Variants in KIF19 observed in about 807,000 individuals in gnomAD.
KIF19 encodes kinesin family member 19.
A neutral mutation model predicts 106.6 loss-of-function variants in KIF19; 98 were observed. The observed-to-expected ratio is 0.92, with a 90% confidence interval of 0.78 to 1.09. The LOEUF is 1.09. Ranked by LOEUF, KIF19 falls within the 50% of genes least tolerant of loss-of-function variation. The probability of loss-of-function intolerance (pLI) is 0.00; values close to 1 mark genes in which losing one functional copy is unlikely to be tolerated. For synonymous variants in KIF19, 516 were observed against 584.2 expected, an observed-to-expected ratio of 0.88 and a Z score of 1.68; for missense variants, 1,373 against 1,414.3, an observed-to-expected ratio of 0.97 and a Z score of 0.47.
chr17:74,351,731 C>G (rs1452988944), intron 12 of KIF19, 136 bp from the exon 13 acceptor site: 2 of 1,020,124 alleles, frequency 2.0e-6, no homozygotes. Flanking sequence ...GCCCAAGATT[C>G]AGCTTTTAGG....
chr17:74,342,898 C>T, intron 4 of KIF19, 126 bp from the exon 5 acceptor site: 1 of 1,286,144 alleles, frequency 7.8e-7, no homozygotes, highest in Non-Finnish European at 1.1e-6. Context: ...CCCCACTCCC[C>T]ACCACCTCCC....
At position 74,346,303 on chromosome 17, in the gene KIF19, T is replaced by C. The variant is rs2054528158; in HGVS notation, c.778-75T>C. 5 of 1,474,106 alleles carry C rather than the reference T, an allele frequency of 3.4e-6. No homozygotes were observed. Among genetic ancestry groups the C allele is most frequent in the South Asian group, 1.3e-5 (1 of 78,614 alleles). The allele number at this position is 1,474,106 out of a possible 1,614,324, so 91.3% of individuals were successfully genotyped here. On this transcript the variant is annotated intron_variant, in intron 7 of 19. Coordinates refer to ENST00000389916, the MANE Select transcript of KIF19 (RefSeq NM_153209.4). The surrounding 1 kb of genome is among the most constrained non-coding windows in gnomAD (Gnocchi z 4.6). ...TTACCCAGGATCACCAGGTCATTCA[T>C]TGGTGGGGTGGCTGGGGAGAAACCC...
At chr17:74,349,692 C>T (rs992471061) in intron 10 of KIF19, among the ~76,000 whole-genome samples, 19 of 152,242 alleles carry the variant, frequency 1.2e-4, no homozygotes, top group Non-Finnish European at 2.8e-4. Context: ...CCGGAATGGG[C>T]TCCGTTTCCT....
At chr17:74,330,985 G>A (rs572767083) in intron 2 of KIF19, among the ~76,000 whole-genome samples, 17 of 152,322 alleles carry the variant, frequency 1.1e-4, no homozygotes, top group Middle Eastern at 3.4e-3. Context: ...GAGGACTGTA[G>A]TTTAGGAGCA....
Position 74,349,362 on chromosome 17 carries a change from G to T in KIF19, c.1213+13G>T. 1 of 1,582,626 alleles carries T rather than the reference G, an allele frequency of 6.3e-7. No individual in the cohort carries two copies. Among genetic ancestry groups the T allele is most frequent in the East Asian group, 2.2e-5 (1 of 44,472 alleles). Reference sequence around the variant, plus strand: ...CGCCACATCCAAGGTGCGCCTGTGGGTCTGTGTGAGTGGCAGCCCCCTCCG... The same window carrying T: ...CGCCACATCCAAGGTGCGCCTGTGGTTCTGTGTGAGTGGCAGCCCCCTCCG... On this transcript the variant is annotated intron_variant, in intron 10 of 19. Coordinates refer to ENST00000389916, the MANE Select transcript of KIF19 (RefSeq NM_153209.4).
rs774817216 is a variant in KIF19, at chr17:74,352,302, G to C, written c.1942G>C (p.Ala648Pro). Residue 648 changes from alanine (A) to proline (P), a missense_variant, in exon 14 of 20, where the codon GCC becomes CCC. By Grantham distance (27) the Ala-to-Pro change is conservative. Around this residue, in one of 3 missense-constraint regions of KIF19, gnomAD observed 1,020 missense variants for 1,008.2 expected, o/e 1.01. Coordinates refer to ENST00000389916, the MANE Select transcript of KIF19 (RefSeq NM_153209.4). The part of the protein sequence containing the change: ...RELEEGSLEQ[A>P]TIMDQVASRA... ...GCTGGAGGAGGGCAGCCTGGAGCAGGCCACCATCATGGACCAAGTGGCCTC... is the reference window on the plus strand; with the variant it reads ...GCTGGAGGAGGGCAGCCTGGAGCAGCCCACCATCATGGACCAAGTGGCCTC... 1.9e-6 allele frequency: 3 copies of C among 1,611,668 alleles called. No homozygotes were observed. Among genetic ancestry groups the C allele is most frequent in the Non-Finnish European group, 2.5e-6 (3 of 1,179,358 alleles).
chr17:74,350,882 C>G lies in KIF19; in HGVS notation c.1564C>G (p.Gln522Glu), dbSNP rs145176452. Residue 522 changes from glutamine to glutamate, a missense_variant, in exon 12 of 20, where the codon CAG becomes GAG. Physicochemically the swap from Gln to Glu is conservative, Grantham distance 29 (BLOSUM62 2). Around this residue, in one of 3 missense-constraint regions of KIF19, gnomAD observed 1,020 missense variants for 1,008.2 expected, o/e 1.01. Coordinates refer to ENST00000389916, the MANE Select transcript of KIF19 (RefSeq NM_153209.4). ...RESIAALVDE[Q>E]KQLRKQKLAL... is the part of the protein sequence containing the mutation. ...GAGCATTGCAGCCCTGGTGGACGAGCAGAAGCAACTGCGCAAGCAGAAGGT... is the reference window on the plus strand; with the variant it reads ...GAGCATTGCAGCCCTGGTGGACGAGGAGAAGCAACTGCGCAAGCAGAAGGT... 95 of 1,613,738 alleles carry G rather than the reference C, an allele frequency of 5.9e-5. No individual in the cohort carries two copies. Among genetic ancestry groups the G allele is most frequent in the Non-Finnish European group, 8.0e-5 (94 of 1,179,898 alleles).
chr17:74,326,674 G>C (rs1225836287), intron 1 of KIF19, among the ~76,000 whole-genome samples: 3 of 152,232 alleles, frequency 2.0e-5, no homozygotes, highest in Middle Eastern at 6.8e-3. Flanking sequence ...GTGCGCAGAT[G>C]AATCTCGGCT....
chr17:74,344,913 C>A lies in KIF19; in HGVS notation c.735C>A (p.Arg245=). The change falls in exon 7 of 20, where the codon CGC becomes CGA. Residue 245 remains arginine, a synonymous_variant. Coordinates refer to ENST00000389916, the MANE Select transcript of KIF19 (RefSeq NM_153209.4). ...TCTTGCAGGAGGTGCGGCAGGGCCG[C>A]CTGTTCATGATCGACCTGGCTGGCT... ...KNILQEVRQG[R]LFMIDLAGSE... 3.1e-6 allele frequency: 5 copies of A among 1,611,288 alleles called. No homozygotes were observed. Among genetic ancestry groups the A allele is most frequent in the Non-Finnish European group, 4.2e-6 (5 of 1,179,628 alleles).
intron 12 of KIF19, 188 bp downstream of exon 12, chr17:74,351,093 G>A (rs2054689025): frequency 6.3e-6 from 4 of 635,700 alleles, no homozygotes; most frequent in South Asian, 3.6e-5. Context: ...TAAAATGGGA[G>A]CAGTCCATGG....
rs374148526 is a variant in KIF19, at chr17:74,341,930, C to T, written c.175C>T (p.Arg59Cys). The change falls in exon 3 of 20, where the codon CGC becomes TGC. Residue 59 changes from arginine to cysteine, a missense_variant. Arg to Cys is a radical substitution (Grantham distance 180). Around this residue, in one of 3 missense-constraint regions of KIF19, gnomAD observed 348 missense variants for 389.5 expected, o/e 0.89. Transcript: ENST00000389916. ...TCCCGACGACATCCTGCGGGCGCAT[C>T]GCTCCCGGGAGAAGTCCTACCTGTT... ...EDPDDILRAH[R>C]SREKSYLFDV... The T allele has an allele frequency of 7.4e-6, 12 of 1,613,522 alleles. No individual in the cohort carries two copies. In the Middle Eastern group the frequency reaches 6.6e-4, roughly 88 times the overall value.
In KIF19 at chr17:74,354,850, A is replaced by T; in HGVS notation, c.2775A>T (p.Pro925=). Residue 925 remains proline (P), a synonymous_variant, in exon 19 of 20, where the codon CCA becomes CCT. Transcript: ENST00000389916. ...AGCGCATCTCGGACCACAGGATGCC[A>T]GTGTGCAGGCACCCAGCCCCTGGTA... ...QAERISDHRM[P]VCRHPAPGIR... is the part of the protein sequence containing the mutation. 6.4e-7 allele frequency: 1 copy of T among 1,563,010 alleles called. No homozygotes were observed. Among genetic ancestry groups the T allele is most frequent in the Non-Finnish European group, 8.7e-7 (1 of 1,154,104 alleles).
Position 74,331,238 on chromosome 17 carries a change from C to T in KIF19, c.120+2733C>T, listed in dbSNP as rs1356003272. On this transcript the variant is annotated intron_variant, in intron 2 of 19. Coordinates refer to ENST00000389916, the MANE Select transcript of KIF19 (RefSeq NM_153209.4). This position sits in a 1 kb window ranked among gnomAD's most constrained non-coding sequence, Gnocchi z 4.1. ...GGCTTGGGGGTCCAGTCCTCGTCAG[C>T]TTCTCTGATGGGGCCAGCTGGCCCG... Among the ~76,000 whole-genome samples, 2 of 152,158 alleles carry T rather than the reference C, an allele frequency of 1.3e-5. No individual in the cohort carries two copies. Among genetic ancestry groups the T allele is most frequent in the South Asian group, 2.1e-4 (1 of 4,824 alleles).
At position 74,351,888 on chromosome 17, in the gene KIF19, C is replaced by T. The variant is rs1304513086; in HGVS notation, c.1609C>T (p.Arg537Trp). The T allele has an allele frequency of 5.0e-6, 7 of 1,408,436 alleles. No individual in the cohort carries two copies. Among genetic ancestry groups the T allele is most frequent in the African/African-American group, 1.5e-5 (1 of 65,998 alleles). 87.2% of individuals were successfully genotyped at this position (1,408,436 alleles called of 1,614,324 possible). Reference protein sequence around the residue: ...KQKLALEQRCRELRARGRRLE... With the variant: ...KQKLALEQRCWELRARGRRLE... The stretch of plus-strand genomic sequence containing the variant: ...GCAGCTGGCGCTGGAGCAGCGCTGC[C>T]GGGAGCTGCGCGCGCGGGGCCGGCG... Residue 537 changes from arginine to tryptophan, a missense_variant, in exon 13 of 20, where the codon CGG becomes TGG. Physicochemically the swap from Arg to Trp is moderately radical, Grantham distance 101. Transcript: ENST00000389916.
At chr17:74,344,639 C>A in intron 6 of KIF19, 122 bp from the exon 7 acceptor site, 2 of 1,089,288 alleles carry the variant, frequency 1.8e-6, no homozygotes, top group Non-Finnish European at 2.6e-6. Context: ...CCAGCCCACT[C>A]CAGCCTGCCC....
In KIF19 at chr17:74,353,484, C is replaced by T. The variant is rs1248626013; in HGVS notation, c.2221-10C>T. The T allele has an allele frequency of 3.7e-6, 6 of 1,613,056 alleles. No individual in the cohort carries two copies. The highest frequency in any genetic ancestry group is 4.2e-6 in the Non-Finnish European group (5 of 1,179,302). ...AAGGGTTTCCTCCTCCCAACCACTC[C>T]ACCCCACAGGCCCCGGCTCAGGACA... On this transcript the variant is annotated splice_polypyrimidine_tract_variant and intron_variant, in intron 16 of 19. Transcript: ENST00000389916.
rs2054536423 is a variant in KIF19, at chr17:74,346,533, C to T, written c.924+9C>T. 5 of 1,550,500 alleles carry T rather than the reference C, an allele frequency of 3.2e-6. No individual in the cohort carries two copies. The highest frequency in any genetic ancestry group is 4.4e-6 in the Non-Finnish European group (5 of 1,146,534). On this transcript the variant is annotated intron_variant, in intron 8 of 19. Transcript: ENST00000389916. The surrounding 1 kb of genome is among the most constrained non-coding windows in gnomAD (Gnocchi z 4.6). Reference sequence around the variant, plus strand: ...TCACCCGGCTCCTGAAGGTACCAGCCACAGCTGGGCCTGGGCACTGGGCAC... The same window carrying T: ...TCACCCGGCTCCTGAAGGTACCAGCTACAGCTGGGCCTGGGCACTGGGCAC...
chr17:74,335,780 A>G (rs1413417175), intron 2 of KIF19, among the ~76,000 whole-genome samples: 1 of 152,304 alleles, frequency 6.6e-6, no homozygotes, highest in East Asian at 1.9e-4. Context: ...TATGAGCATG[A>G]GAATGCATTC....
chr17:74,329,455 AAG>A (rs2054011336), intron 2 of KIF19: 1 of 126,188 alleles, frequency 7.9e-6, no homozygotes, highest in African/African-American at 2.9e-5. Flanking sequence ...CTCAAAAAAA[AAG>A]AGAAAAAGAG....
Sources: gnomAD v4.1 joint callset for allele counts (sites outside exome capture counted in the v4.1 genomes callset) on GRCh38, gnomAD v4.1.1 for gene constraint, gnomAD v4.1.1 regional missense constraint, Gnocchi (gnomAD v3.1) non-coding constraint, MANE v1.5 for transcripts, NCBI Gene and HGNC (gene_info 2026-07-23, HGNC 2026-07-21) for gene names.